FAM124A: variants seen among roughly 807,000 people sequenced by gnomAD.
FAM124A encodes family with sequence similarity 124 member A.
Under a neutral mutation model 24.5 loss-of-function variants are expected in FAM124A, and 23 were observed. That is an observed-to-expected ratio of 0.94 (90% confidence interval 0.68 to 1.33). The LOEUF (loss-of-function observed/expected upper bound fraction) is 1.33, where lower values mean the gene tolerates loss of function less well. Among genes scored for constraint, FAM124A ranks in the 40% most tolerant of loss-of-function variants. FAM124A has a pLI of 0.00. For synonymous variants in FAM124A, 287 were observed against 314.7 expected (o/e 0.91, Z 0.93); for missense variants, 623 against 722.8 (o/e 0.86, Z 1.58).
intron 2 of FAM124A, among the ~76,000 whole-genome samples, chr13:51,246,399 T>TGGGGGGC (rs200227873): frequency 1.1e-5 from 1 of 91,880 alleles, no homozygotes; most frequent in Non-Finnish European, 2.7e-5. Context: ...ATGTTTCTCG[T>TGGGGGGC]GGGGTGGGGG....
chr13:51,231,400 C>T, intron 2 of FAM124A, 21 bp downstream of exon 2: 11 of 1,613,676 alleles, frequency 6.8e-6, no homozygotes, highest in Non-Finnish European at 9.3e-6. Flanking sequence ...TTTAAACATC[C>T]TTCAGCATTG....
At chr13:51,262,376 T>A (rs1954746009) in intron 3 of FAM124A, among the ~76,000 whole-genome samples, 1 of 152,266 alleles carries the variant, frequency 6.6e-6, no homozygotes, top group South Asian at 2.1e-4. Context: ...AAAAAAGTTT[T>A]GGAAGTTGCA....
At chr13:51,256,412 TA>T (rs1456153103) in intron 3 of FAM124A, among the ~76,000 whole-genome samples, 2 of 152,128 alleles carry the variant, frequency 1.3e-5, no homozygotes, top group Non-Finnish European at 2.9e-5. Flanking sequence ...AAATAAGGCT[TA>T]AAAGGCAGGA....
At chr13:51,243,058 T>C (rs1954516893) in intron 2 of FAM124A, among the ~76,000 whole-genome samples, 1 of 152,258 alleles carries the variant, frequency 6.6e-6, no homozygotes, top group Admixed American at 6.5e-5. Context: ...AAGAACCTTA[T>C]GATCTATATT....
chr13:51,246,991 AG>A (rs1349294045), intron 2 of FAM124A, among the ~76,000 whole-genome samples: 1 of 152,208 alleles, frequency 6.6e-6, no homozygotes, highest in Non-Finnish European at 1.5e-5. Flanking sequence ...GGCCTGTTTG[AG>A]TTGCCCTCGA....
At chr13:51,267,350 A>C (rs997103423) in intron 3 of FAM124A, among the ~76,000 whole-genome samples, 3 of 152,134 alleles carry the variant, frequency 2.0e-5, no homozygotes, top group Non-Finnish European at 4.4e-5. Context: ...GAATTTTTTA[A>C]ATGTATGTCA....
chr13:51,222,641 G>C (rs1012009461), intron 1 of FAM124A, 72 bp downstream of exon 1: 1 of 1,192,042 alleles, frequency 8.4e-7, no homozygotes, highest in African/African-American at 1.6e-5. Flanking sequence ...CCCCGGACGG[G>C]GACCCTCCTG....
chr13:51,222,499 A>G lies in FAM124A; in HGVS notation c.-3A>G. The G allele has an allele frequency of 1.6e-6, 2 of 1,223,626 alleles. No individual in the cohort carries two copies. Among genetic ancestry groups the G allele is most frequent in the East Asian group, 3.3e-5 (1 of 30,004 alleles). 75.8% of individuals were successfully genotyped at this position (1,223,626 alleles called of 1,614,324 possible). The stretch of plus-strand genomic sequence containing the variant: ...CAAGCCGAGCGCGGCCGGGACGTGC[A>G]CCATGGACCCAAAGGCGGGCGGCGG... On this transcript the variant is annotated 5_prime_UTR_variant, in exon 1 of 4. Transcript: ENST00000322475.
intron 1 of FAM124A, among the ~76,000 whole-genome samples, chr13:51,229,838 A>C (rs1415272464): frequency 6.6e-6 from 1 of 152,150 alleles, no homozygotes; most frequent in East Asian, 1.9e-4. Flanking sequence ...AATTTAATGC[A>C]CCAGTACTGG....
chr13:51,260,456 G>A (rs963711823), intron 3 of FAM124A, among the ~76,000 whole-genome samples: 4 of 152,204 alleles, frequency 2.6e-5, no homozygotes, highest in Admixed American at 6.5e-5. Context: ...CAATGAGCTC[G>A]TGCAGGAAAG....
chr13:51,283,961 T>C lies in FAM124A; in HGVS notation c.*2705T>C, dbSNP rs1050544588. The C allele has an allele frequency of 6.6e-6, 1 of 151,974 alleles. No homozygotes were observed. Among genetic ancestry groups the C allele is most frequent in the Non-Finnish European group, 1.5e-5 (1 of 68,000 alleles). 9.4% of individuals were successfully genotyped at this position (151,974 alleles called of 1,614,324 possible). A position where few individuals can be genotyped will look rare whatever the true frequency, so the allele number is the denominator to read the frequency against. On this transcript the variant is annotated 3_prime_UTR_variant, in exon 4 of 4. Transcript: ENST00000322475. ...CCCTAAAGGACATCATAGACAACAT[T>C]TGAAAGCAAGAAATGCAAAATGTTC... is the stretch of plus-strand genomic sequence containing the variant.
chr13:51,242,075 CT>C (rs1954502264), intron 2 of FAM124A, among the ~76,000 whole-genome samples: 2 of 152,192 alleles, frequency 1.3e-5, no homozygotes, highest in Non-Finnish European at 2.9e-5. Context: ...ACATCTTCCT[CT>C]TTTGTCTTTT....
intron 1 of FAM124A, among the ~76,000 whole-genome samples, chr13:51,223,946 C>CA (rs1299922273): frequency 6.6e-6 from 1 of 152,168 alleles, no homozygotes; most frequent in Non-Finnish European, 1.5e-5. Context: ...CTAGTCTATT[C>CA]ATTTTCAATT....
intron 3 of FAM124A, among the ~76,000 whole-genome samples, chr13:51,261,485 A>C (rs763224283): frequency 1.3e-5 from 2 of 152,230 alleles, no homozygotes; most frequent in African/African-American, 2.4e-5. Flanking sequence ...TTCCGGCGGC[A>C]GGTATAAGTG....
chr13:51,281,935 T>A lies in FAM124A; in HGVS notation c.*679T>A, dbSNP rs1954943902. ...CATGAGTAACAGACTCTTGGTGCAT[T>A]TAAAATATGTGAGTTCCAGAAAGTA... On this transcript the variant is annotated 3_prime_UTR_variant, in exon 4 of 4. Transcript: ENST00000322475. The A allele has an allele frequency of 6.6e-6, 1 of 152,206 alleles. No homozygotes were observed. Among genetic ancestry groups the A allele is most frequent in the Non-Finnish European group, 1.5e-5 (1 of 68,042 alleles). 9.4% of individuals were successfully genotyped at this position (152,206 alleles called of 1,614,324 possible).
At chr13:51,255,938 T>C (rs1954670773) in intron 3 of FAM124A, among the ~76,000 whole-genome samples, 1 of 152,244 alleles carries the variant, frequency 6.6e-6, no homozygotes, top group Admixed American at 6.5e-5. Context: ...GCCTTTTTTA[T>C]TCCCAGCCAG....
chr13:51,267,183 A>G (rs1954792973), intron 3 of FAM124A, among the ~76,000 whole-genome samples: 2 of 152,224 alleles, frequency 1.3e-5, no homozygotes. Context: ...TCAAGCCATT[A>G]TTGTCCTCAC....
At chr13:51,224,226 TG>T (rs1401853593) in intron 1 of FAM124A, among the ~76,000 whole-genome samples, 3 of 152,232 alleles carry the variant, frequency 2.0e-5, no homozygotes, top group African/African-American at 7.2e-5. Context: ...CCCAGCACTT[TG>T]GGTGGCCGAG....
intron 3 of FAM124A, among the ~76,000 whole-genome samples, chr13:51,257,224 G>C (rs1464194936): frequency 6.6e-6 from 1 of 152,178 alleles, no homozygotes; most frequent in Non-Finnish European, 1.5e-5. Flanking sequence ...GGATTGTACA[G>C]TAATTGTGTG....
Sources: allele counts gnomAD v4.1 joint callset (sites outside exome capture counted in the v4.1 genomes callset), GRCh38; gene constraint gnomAD v4.1.1; transcripts MANE v1.5; gene names NCBI Gene and HGNC (gene_info 2026-07-23, HGNC 2026-07-21).